The following ITPR1 variants were observed in gnomAD, a reference collection of about 807,000 sequenced individuals.
The protein encoded by ITPR1 is inositol 1,4,5-trisphosphate receptor type 1, also known as inositol 1,4,5-trisphosphate-gated calcium channel ITPR1.
Under a neutral mutation model 318.4 loss-of-function variants are expected in ITPR1, and 96 were observed. The observed-to-expected ratio is 0.30, with a 90% confidence interval of 0.26 to 0.36. The LOEUF (loss-of-function observed/expected upper bound fraction) is 0.36. Among genes scored for constraint, ITPR1 ranks in the 10% least tolerant of loss-of-function variants. The pLI is 1.00. For missense variants in ITPR1, 2,440 were observed against 3,460.2 expected, an observed-to-expected ratio of 0.71 and a Z score of 7.40; for synonymous variants, 1,312 against 1,289.9, an observed-to-expected ratio of 1.02 and a Z score of -0.37.
intron 46 of ITPR1, among the ~76,000 whole-genome samples, chr3:4,771,970 G>A: frequency 6.6e-6 from 1 of 152,244 alleles, no homozygotes; most frequent in South Asian, 2.1e-4. Context: ...AGCCCCCAGG[G>A]TTCTGCAGGG....
chr3:4,578,762 C>T (rs1443307069), intron 4 of ITPR1, among the ~76,000 whole-genome samples: 1 of 152,198 alleles, frequency 6.6e-6, no homozygotes, highest in African/African-American at 2.4e-5. Flanking sequence ...GGCTAGATGA[C>T]TGCACCTCTG....
chr3:4,620,102 A>C (rs1348221067), intron 4 of ITPR1, among the ~76,000 whole-genome samples: 1 of 152,156 alleles, frequency 6.6e-6, no homozygotes, highest in African/African-American at 2.4e-5. Context: ...AATGGTCTGC[A>C]GTGGACCCAG....
rs1041721883 is a variant in ITPR1 at position 4,674,210 on chromosome 3, G to A, written c.2465G>A (p.Ser822Asn). ...PSEIAIDDYD[S>N]SGASKDEIKE... ...TTCTCCTTTCTTTTCAGCTATGATA[G>A]TAGTGGAGCTTCCAAAGATGAAATT... The change falls in exon 22 of 62, where the codon AGT becomes AAT. Residue 822 changes from serine (S) to asparagine (N), a missense_variant. Physicochemically the swap from Ser to Asn is conservative, Grantham distance 46. Coordinates refer to ENST00000649015, the MANE Select transcript of ITPR1 (RefSeq NM_001378452.1). The A allele has an allele frequency of 5.2e-6, 8 of 1,550,218 alleles. No homozygotes were observed. Among genetic ancestry groups the A allele is most frequent in the Non-Finnish European group, 7.0e-6 (8 of 1,146,724 alleles).
intron 54 of ITPR1, 54 bp from the exon 55 acceptor site, chr3:4,806,049 A>G (rs2048532709): frequency 6.8e-7 from 1 of 1,467,672 alleles, no homozygotes; most frequent in South Asian, 1.3e-5. Context: ...CGTTGCTCTC[A>G]TGAAGAGTTT....
rs748005128 is a variant in ITPR1 at position 4,521,108 on chromosome 3, T to C, written c.163+14T>C. The C allele has an allele frequency of 4.4e-6, 7 of 1,592,026 alleles. No homozygotes were observed. The East Asian group carries it at 1.6e-4, about 36-fold the overall frequency. On this transcript the variant is annotated intron_variant, in intron 4 of 61. Transcript: ENST00000649015. ...AGAAATTCAGAGGTAAGGTGGTGGC[T>C]TTCCTGGAGTAGTCACCTTGACTCA...
intron 40 of ITPR1, among the ~76,000 whole-genome samples, chr3:4,719,170 G>A (rs557897721): frequency 1.3e-5 from 2 of 152,168 alleles, no homozygotes; most frequent in Non-Finnish European, 2.9e-5. Context: ...TTATACTCTA[G>A]GAAATAGAAT....
intron 2 of ITPR1, among the ~76,000 whole-genome samples, chr3:4,509,667 C>T (rs530125479): frequency 1.1e-4 from 16 of 152,278 alleles, no homozygotes; most frequent in South Asian, 4.1e-4. Flanking sequence ...CATGGTGGTA[C>T]GCACCGGTAG....
intron 50 of ITPR1, 102 bp from the exon 51 acceptor site, chr3:4,783,714 C>T: frequency 1.0e-6 from 1 of 958,688 alleles, no homozygotes; most frequent in African/African-American, 1.6e-5. Flanking sequence ...TGGCTTGCTG[C>T]TGGTTATTAT....
Position 4,721,172 on chromosome 3 carries a change from G to GTATATATATATATATATATATATA in ITPR1, c.5136+3781_5136+3804dup, listed in dbSNP as rs5846332. On this transcript the variant is annotated intron_variant, in intron 40 of 61. Coordinates refer to ENST00000649015, the MANE Select transcript of ITPR1 (RefSeq NM_001378452.1). ...TGTGTGTAGATACGTGTGTGTGCGT[G>GTATATATATATATATATATATATA]TATATATATATATATATATATATAT... 1.4e-3 allele frequency among the ~76,000 whole-genome samples: 173 copies of GTATATATATATATATATATATATA among 124,970 alleles called. 2 individuals are homozygous for GTATATATATATATATATATATATA. Among genetic ancestry groups the GTATATATATATATATATATATATA allele is most frequent in the African/African-American group, 2.4e-3 (65 of 27,538 alleles). The allele number at this position is 124,970 out of a possible 152,430, so 82.0% of individuals were successfully genotyped here.
intron 5 of ITPR1, among the ~76,000 whole-genome samples, chr3:4,631,373 A>G (rs544281887): frequency 6.6e-6 from 1 of 152,306 alleles, no homozygotes; most frequent in South Asian, 2.1e-4. Flanking sequence ...GACCATTGTT[A>G]GTATACCTGA....
At chr3:4,833,855 T>C (rs17041507) in intron 60 of ITPR1, among the ~76,000 whole-genome samples, 4,587 of 152,318 alleles carry the variant, frequency 0.03, 103 homozygotes, top group South Asian at 0.054. Flanking sequence ...CTACTCTCTC[T>C]ACCGCTCCTA....
chr3:4,676,887 G>A (rs1472860480), intron 24 of ITPR1, 86 bp downstream of exon 24: 1 of 1,040,304 alleles, frequency 9.6e-7, no homozygotes, highest in Non-Finnish European at 1.4e-6. Flanking sequence ...TGGAGCCCAA[G>A]GCTTTCTGGG....
At chr3:4,549,484 C>G (rs1254518396) in intron 4 of ITPR1, among the ~76,000 whole-genome samples, 1 of 147,492 alleles carries the variant, frequency 6.8e-6, no homozygotes, top group African/African-American at 2.5e-5. Context: ...GAGGACCCCT[C>G]CCTCCCTCCC....
At chr3:4,512,961 CCT>C (rs2081944791) in intron 2 of ITPR1, among the ~76,000 whole-genome samples, 2 of 144,080 alleles carry the variant, frequency 1.4e-5, no homozygotes, top group Admixed American at 6.9e-5. Flanking sequence ...AGAGCCGAGC[CCT>C]CGGTGTCTGT....
chr3:4,643,687 T>C (rs1003190891), intron 7 of ITPR1, among the ~76,000 whole-genome samples: 4 of 152,154 alleles, frequency 2.6e-5, no homozygotes, highest in African/African-American at 9.7e-5. Context: ...GCTGTATATA[T>C]GACTTGATCA....
At chr3:4,507,573 G>C (rs555053249) in intron 2 of ITPR1, among the ~76,000 whole-genome samples, 1 of 152,234 alleles carries the variant, frequency 6.6e-6, no homozygotes, top group Non-Finnish European at 1.5e-5. Context: ...GTGGAAGCTA[G>C]TGGTACTTGT....
intron 2 of ITPR1, among the ~76,000 whole-genome samples, chr3:4,509,248 G>A (rs979516710): frequency 9.2e-5 from 14 of 152,128 alleles, no homozygotes; most frequent in African/African-American, 2.2e-4. Flanking sequence ...TTATGAGGCT[G>A]GAATTCAGAC....
At chr3:4,536,207 G>A (rs1285494169) in intron 4 of ITPR1, among the ~76,000 whole-genome samples, 1 of 152,058 alleles carries the variant, frequency 6.6e-6, no homozygotes, top group East Asian at 1.9e-4. Flanking sequence ...ACATTGCTCT[G>A]GGTTTTCTTG....
rs55762257 is a variant in ITPR1, at chr3:4,504,597, C to G, written c.-17+10091C>G. Among the ~76,000 whole-genome samples, 989 of 152,250 alleles carry G rather than the reference C, an allele frequency of 6.5e-3. 8 individuals are homozygous for G. The highest frequency in any genetic ancestry group is 0.023 in the African/African-American group (952 of 41,542). Reference sequence around the variant, plus strand: ...GGGACAAGAAGGCAAGGAGGGGGAGCTGTGTGAAAACGTGTGGGGAGGAGG... The same window carrying G: ...GGGACAAGAAGGCAAGGAGGGGGAGGTGTGTGAAAACGTGTGGGGAGGAGG... On this transcript the variant is annotated intron_variant, in intron 2 of 61. Transcript: ENST00000649015.
Sources: gnomAD v4.1 joint callset for allele counts (sites outside exome capture counted in the v4.1 genomes callset) on GRCh38, gnomAD v4.1.1 for gene constraint, MANE v1.5 for transcripts, NCBI Gene and HGNC (gene_info 2026-07-23, HGNC 2026-07-21) for gene names.